AKAP12: variants seen among roughly 807,000 people sequenced by gnomAD.
AKAP12 encodes the protein A-kinase anchoring protein 12.
A neutral mutation model predicts 79.9 loss-of-function variants in AKAP12; 32 were observed. That is an observed-to-expected ratio of 0.40 (90% confidence interval 0.30 to 0.54). AKAP12 has a LOEUF of 0.54. AKAP12 is among the 20% of genes least tolerant of loss of function. AKAP12 has a pLI of 0.48. For missense variants in AKAP12, 2,074 were observed against 2,177.0 expected, an observed-to-expected ratio of 0.95 and a Z score of 0.94; for synonymous variants, 808 against 857.0, an observed-to-expected ratio of 0.94 and a Z score of 1.00.
In AKAP12 at chr6:151,352,891, G is replaced by C. The variant is rs147582925; in HGVS notation, c.4500G>C (p.Leu1500=). Residue 1500 remains leucine, a synonymous_variant, in exon 4 of 5, where the codon CTG becomes CTC. Transcript: ENST00000402676. The part of the protein sequence containing the change: ...ATTKKGLSSD[L]EGEKTTSLKW... ...CCAAGAAAGGCTTAAGTTCCGACCT[G>C]GAAGGAGAGAAAACCACATCACTGA... 16 of 1,614,142 alleles carry C rather than the reference G, an allele frequency of 9.9e-6. No homozygotes were observed. In the East Asian group the frequency reaches 2.5e-4, roughly 25 times the overall value.
intron 2 of AKAP12, among the ~76,000 whole-genome samples, chr6:151,258,064 C>T (rs1377213118): frequency 3.3e-5 from 5 of 152,182 alleles, no homozygotes; most frequent in Non-Finnish European, 7.3e-5. Context: ...GCCACTTATG[C>T]CTACAAACTC....
intron 2 of AKAP12, among the ~76,000 whole-genome samples, chr6:151,285,909 C>T (rs1318606549): frequency 1.0e-4 from 15 of 146,014 alleles, no homozygotes; most frequent in African/African-American, 3.1e-4. Context: ...CGGAATTTTG[C>T]GCTTATCACC....
Position 151,349,001 on chromosome 6 carries a change from G to A in AKAP12, c.610G>A (p.Asp204Asn), listed in dbSNP as rs1778193524. The A allele has an allele frequency of 3.1e-6, 5 of 1,614,118 alleles. No individual in the cohort carries two copies. The East Asian group carries it at 1.1e-4, about 36-fold the overall frequency. The change falls in exon 4 of 5, where the codon GAT becomes AAT. Residue 204 changes from aspartate (D) to asparagine (N), a missense_variant. By Grantham distance (23) the Asp-to-Asn change is conservative. This residue lies in a region of AKAP12 where 1,428 missense variants were observed against 1,451.0 expected (regional missense o/e 0.98). Transcript: ENST00000402676. ...DTVQLLTVKK[D>N]EGEGAAGAGD... Reference sequence around the variant, plus strand: ...TGTCCAGCTACTCACTGTGAAGAAAGATGAAGGGGAGGGAGCAGCAGGGGC... The same window carrying A: ...TGTCCAGCTACTCACTGTGAAGAAAAATGAAGGGGAGGGAGCAGCAGGGGC...
chr6:151,246,936 T>G (rs144222820), intron 2 of AKAP12, among the ~76,000 whole-genome samples: 6 of 151,996 alleles, frequency 3.9e-5, no homozygotes, highest in Non-Finnish European at 5.9e-5. Context: ...GGACTACAAG[T>G]GCACACCACC....
chr6:151,242,972 A>AT (rs1797007078), intron 2 of AKAP12, among the ~76,000 whole-genome samples: 2 of 152,206 alleles, frequency 1.3e-5, no homozygotes, highest in African/African-American at 4.8e-5. Context: ...ACCCTTGATC[A>AT]TTTCATTATC....
At chr6:151,319,479 A>G (rs1208975965) in intron 3 of AKAP12, among the ~76,000 whole-genome samples, 1 of 142,610 alleles carries the variant, frequency 7.0e-6, no homozygotes, top group Non-Finnish European at 1.5e-5. Flanking sequence ...CTATCTATCT[A>G]TCTATCTACT....
At chr6:151,324,845 GAGAA>G in intron 3 of AKAP12, 6 of 985,370 alleles carry the variant, frequency 6.1e-6, no homozygotes, top group Non-Finnish European at 7.2e-6. Context: ...AAGCTTCAAT[GAGAA>G]AGAATTGAAG....
chr6:151,311,707 G>A (rs960852755), intron 3 of AKAP12, among the ~76,000 whole-genome samples: 12 of 152,056 alleles, frequency 7.9e-5, no homozygotes, highest in Admixed American at 5.9e-4. Context: ...TAATGTCATC[G>A]TCTGCTTTTA....
chr6:151,290,876 C>T (rs1435099632), intron 2 of AKAP12, among the ~76,000 whole-genome samples: 1 of 152,226 alleles, frequency 6.6e-6, no homozygotes, highest in Non-Finnish European at 1.5e-5. Context: ...TACCGAAGTG[C>T]TGGGATTACA....
At chr6:151,292,746 G>C (rs1409633181) in intron 2 of AKAP12, among the ~76,000 whole-genome samples, 4 of 152,208 alleles carry the variant, frequency 2.6e-5, no homozygotes, top group African/African-American at 4.8e-5. Flanking sequence ...GCATGGTGAA[G>C]AGCCTGCAAG....
chr6:151,338,202 T>C (rs910142578), intron 3 of AKAP12, among the ~76,000 whole-genome samples: 6 of 152,244 alleles, frequency 3.9e-5, no homozygotes, highest in African/African-American at 1.4e-4. Flanking sequence ...AGAACTTTTC[T>C]ATAATCTGCT....
chr6:151,334,767 G>A (rs1157432689), intron 3 of AKAP12, among the ~76,000 whole-genome samples: 4 of 151,436 alleles, frequency 2.6e-5, no homozygotes, highest in African/African-American at 7.3e-5. Flanking sequence ...GACTACAGGC[G>A]CCCGCCACCA....
chr6:151,254,474 T>C (rs12202759), intron 2 of AKAP12, among the ~76,000 whole-genome samples: 109,461 of 151,784 alleles, frequency 0.72, 39,870 homozygotes, highest in East Asian at 0.99. Flanking sequence ...GCCTCAGTCT[T>C]GCAAGTAGCT....
intron 2 of AKAP12, among the ~76,000 whole-genome samples, chr6:151,290,420 A>G (rs1393843713): frequency 2.0e-5 from 3 of 151,970 alleles, no homozygotes; most frequent in Admixed American, 6.6e-5. Context: ...CCCTCACCCA[A>G]CTACAGTCTT....
chr6:151,330,307 C>G (rs1777633762), intron 3 of AKAP12, among the ~76,000 whole-genome samples: 1 of 152,160 alleles, frequency 6.6e-6, no homozygotes, highest in Admixed American at 6.5e-5. Context: ...CCCCAAAAAA[C>G]ACACCAGGTC....
Position 151,317,537 on chromosome 6 carries a change from C to G in AKAP12, c.319+11634C>G, listed in dbSNP as rs1477621531. ...AAGCTTGCCAAACATCACTGGGTTT[C>G]AATTTCAGTATCCCCAGTTTTAAGA... On this transcript the variant is annotated intron_variant, in intron 3 of 4. Coordinates refer to ENST00000402676, the MANE Select transcript of AKAP12 (RefSeq NM_005100.4). 3.9e-5 allele frequency among the ~76,000 whole-genome samples: 6 copies of G among 152,298 alleles called. No homozygotes were observed. The East Asian group carries it at 1.2e-3, about 29-fold the overall frequency.
intron 3 of AKAP12, chr6:151,343,940 A>G: frequency 2.2e-6 from 1 of 460,378 alleles, no homozygotes; most frequent in Non-Finnish European, 4.1e-6. Context: ...ACATGCTTTA[A>G]AAAATAATGG....
chr6:151,248,485 G>A (rs572380734), intron 2 of AKAP12, among the ~76,000 whole-genome samples: 2 of 152,160 alleles, frequency 1.3e-5, no homozygotes, highest in Admixed American at 6.5e-5. Flanking sequence ...AGGAGTAGGC[G>A]TAAGAGCTGA....
In AKAP12 at chr6:151,349,669, G is replaced by C. The variant is rs763725482; in HGVS notation, c.1278G>C (p.Glu426Asp). The C allele has an allele frequency of 1.2e-6, 2 of 1,614,110 alleles. No homozygotes were observed. Among genetic ancestry groups the C allele is most frequent in the Non-Finnish European group, 1.7e-6 (2 of 1,180,038 alleles). The change falls in exon 4 of 5, where the codon GAG becomes GAC. Residue 426 changes from glutamate to aspartate, a missense_variant. Glu to Asp is a conservative substitution (Grantham distance 45). This residue lies in a region of AKAP12 where 1,428 missense variants were observed against 1,451.0 expected (regional missense o/e 0.98). Transcript: ENST00000402676. ...AAGTCCACGTCAGCACCGTGGAGGAGAGAACCGAAGAGCAGAAAACGGAGG... is the reference window on the plus strand; with the variant it reads ...AAGTCCACGTCAGCACCGTGGAGGACAGAACCGAAGAGCAGAAAACGGAGG... ...VAEVHVSTVE[E>D]RTEEQKTEVE...
Sources: gnomAD v4.1 joint callset for allele counts (sites outside exome capture counted in the v4.1 genomes callset) on GRCh38, gnomAD v4.1.1 for gene constraint, gnomAD v4.1.1 regional missense constraint, MANE v1.5 for transcripts, NCBI Gene and HGNC (gene_info 2026-07-23, HGNC 2026-07-21) for gene names.